NBEA: variants seen among roughly 807,000 people sequenced by gnomAD.
NBEA encodes the protein lysosomal-trafficking regulator 2.
A neutral mutation model predicts 343.4 loss-of-function variants in NBEA; 44 were observed. The observed-to-expected ratio is 0.13, with a 90% CI of 0.10 to 0.16. The LOEUF (loss-of-function observed/expected upper bound fraction) is 0.16, where lower values mean the gene tolerates loss of function less well. NBEA is among the 10% of genes least tolerant of loss of function. NBEA has a pLI of 1.00. For missense variants in NBEA, 2,555 were observed against 3,631.3 expected (o/e 0.70, Z 7.62); for synonymous variants, 1,175 against 1,238.7 (o/e 0.95, Z 1.08).
intron 48 of NBEA, among the ~76,000 whole-genome samples, chr13:35,606,783 G>GACT: frequency 6.6e-6 from 1 of 152,262 alleles, no homozygotes; most frequent in East Asian, 1.9e-4. Context: ...CGTTCATGAG[G>GACT]ACTAATAAAG....
chr13:35,407,527 A>G (rs1288749741), intron 38 of NBEA, among the ~76,000 whole-genome samples: 2 of 152,102 alleles, frequency 1.3e-5, no homozygotes, highest in Admixed American at 6.6e-5. Context: ...CAAAAAAAAA[A>G]AAAAAGGCTG....
At chr13:35,260,746 G>T (rs1335446817) in intron 34 of NBEA, among the ~76,000 whole-genome samples, 1 of 152,168 alleles carries the variant, frequency 6.6e-6, no homozygotes, top group African/African-American at 2.4e-5. Context: ...GACCTTTAGA[G>T]CAAGAAATTT....
chr13:35,509,908 AT>A (rs977397131), intron 41 of NBEA, among the ~76,000 whole-genome samples: 16 of 152,122 alleles, frequency 1.1e-4, no homozygotes, highest in African/African-American at 3.4e-4. Flanking sequence ...GATATTAAGT[AT>A]TTTTCATTTT....
chr13:35,587,125 G>A (rs1274910479), intron 46 of NBEA, among the ~76,000 whole-genome samples: 1 of 151,998 alleles, frequency 6.6e-6, no homozygotes, highest in African/African-American at 2.4e-5. Flanking sequence ...CCTATTAGCT[G>A]TGCGGAAACC....
At chr13:35,194,698 A>T (rs375958658) in intron 30 of NBEA, among the ~76,000 whole-genome samples, 1 of 152,106 alleles carries the variant, frequency 6.6e-6, no homozygotes, top group Admixed American at 6.6e-5. Flanking sequence ...GATGAGATAC[A>T]CTTTTCAAGG....
intron 48 of NBEA, among the ~76,000 whole-genome samples, chr13:35,622,488 T>G (rs1198131071): frequency 1.3e-5 from 2 of 152,180 alleles, no homozygotes; most frequent in Non-Finnish European, 2.9e-5. Context: ...AGAAATAATC[T>G]TCTGTCTTAT....
intron 13 of NBEA, among the ~76,000 whole-genome samples, chr13:35,117,033 A>G (rs2066529663): frequency 6.6e-6 from 1 of 151,970 alleles, no homozygotes; most frequent in Non-Finnish European, 1.5e-5. Context: ...AAATGGAGAG[A>G]GTCCTTAAAT....
At chr13:35,078,773 T>C (rs1312192440) in intron 10 of NBEA, among the ~76,000 whole-genome samples, 1 of 152,100 alleles carries the variant, frequency 6.6e-6, no homozygotes, top group African/African-American at 2.4e-5. Flanking sequence ...AGCCGACTTA[T>C]AAAACTTTGA....
At chr13:34,969,587 C>G (rs903712251) in intron 1 of NBEA, among the ~76,000 whole-genome samples, 3 of 151,972 alleles carry the variant, frequency 2.0e-5, no homozygotes, top group African/African-American at 7.3e-5. Context: ...GTGTGTTGTT[C>G]CCCTCTATGT....
intron 11 of NBEA, among the ~76,000 whole-genome samples, chr13:35,099,125 G>A (rs756690232): frequency 3.4e-5 from 5 of 148,270 alleles, no homozygotes; most frequent in East Asian, 4.0e-4. Context: ...TCCTGAGTTC[G>A]ATCAAGCGAT....
chr13:35,254,324 C>CTTTT (rs377465927), intron 34 of NBEA, among the ~76,000 whole-genome samples: 1 of 132,808 alleles, frequency 7.5e-6, no homozygotes, highest in Non-Finnish European at 1.6e-5. Flanking sequence ...TTATTTTTTA[C>CTTTT]TTTTTTTTTT....
At chr13:35,322,452 C>T (rs2038225403) in intron 36 of NBEA, among the ~76,000 whole-genome samples, 1 of 152,118 alleles carries the variant, frequency 6.6e-6, no homozygotes, top group African/African-American at 2.4e-5. Context: ...GTCCAATCAC[C>T]CACTGCCTAG....
intron 1 of NBEA, among the ~76,000 whole-genome samples, chr13:35,014,577 G>C (rs1200850638): frequency 6.6e-6 from 1 of 152,184 alleles, no homozygotes; most frequent in Admixed American, 6.5e-5. Flanking sequence ...ATGTACTTCT[G>C]CTAAAAGGTT....
At chr13:35,179,009 G>C (rs141298553) in intron 28 of NBEA, among the ~76,000 whole-genome samples, 12 of 151,706 alleles carry the variant, frequency 7.9e-5, no homozygotes, top group African/African-American at 1.4e-4. Context: ...GTGACATAGT[G>C]TTTAAATTGT....
intron 38 of NBEA, among the ~76,000 whole-genome samples, chr13:35,371,498 A>G (rs932749160): frequency 1.3e-5 from 2 of 151,884 alleles, no homozygotes; most frequent in Non-Finnish European, 2.9e-5. Flanking sequence ...TAAATTTCTC[A>G]TTCATATTCT....
chr13:35,515,582 A>T (rs1462450623), intron 41 of NBEA, among the ~76,000 whole-genome samples: 1 of 152,228 alleles, frequency 6.6e-6, no homozygotes, highest in South Asian at 2.1e-4. Flanking sequence ...TTGCCAAAAA[A>T]TTGCTATTTT....
chr13:35,033,483 T>G (rs961120252), intron 1 of NBEA, among the ~76,000 whole-genome samples: 4 of 152,036 alleles, frequency 2.6e-5, no homozygotes, highest in Non-Finnish European at 5.9e-5. Context: ...GCTTTGGCTA[T>G]TCTAGGTCTT....
At chr13:35,169,563 T>C (rs1432702453) in intron 25 of NBEA, among the ~76,000 whole-genome samples, 1 of 151,560 alleles carries the variant, frequency 6.6e-6, no homozygotes. Context: ...GTCAAAACAC[T>C]CAAAACCATT....
chr13:35,012,852 A>T (rs1036949053), intron 1 of NBEA, among the ~76,000 whole-genome samples: 4 of 152,168 alleles, frequency 2.6e-5, no homozygotes, highest in African/African-American at 9.7e-5. Context: ...GAAACTTGAT[A>T]ATTTCTACAT....
Sources: gnomAD v4.1 joint callset for allele counts (sites outside exome capture counted in the v4.1 genomes callset) on GRCh38, gnomAD v4.1.1 for gene constraint, MANE v1.5 for transcripts, NCBI Gene and HGNC (gene_info 2026-07-23, HGNC 2026-07-21) for gene names.